Variants in CSMD1 observed in about 807,000 individuals in gnomAD.
The protein encoded by CSMD1 is CUB and sushi domain-containing protein 1.
In CSMD1, 213 loss-of-function variants were observed where a neutral mutation model predicts 417.5. The observed-to-expected ratio is 0.51, with a 90% CI of 0.46 to 0.57. The LOEUF is 0.57. Ranked by LOEUF, CSMD1 falls within the 20% of genes least tolerant of loss-of-function variation. The probability of loss-of-function intolerance (pLI) is 0.00; values close to 1 mark genes in which losing one functional copy is unlikely to be tolerated. For missense variants in CSMD1, 6,923 were observed against 4,529.7 expected (o/e 1.53, Z -15.17); for synonymous variants, 2,862 against 1,736.8 (o/e 1.65, Z -16.11).
chr8:4,260,384 C>T lies in CSMD1; in HGVS notation c.415+159569G>A, dbSNP rs534165757. Among the ~76,000 whole-genome samples the T allele has an allele frequency of 1.1e-4, 17 of 152,178 alleles. No individual in the cohort carries two copies. In the East Asian group the frequency reaches 1.4e-3, roughly 12 times the overall value. On this transcript the variant is annotated intron_variant, in intron 3 of 69. Transcript: ENST00000635120. ...ATTTGTAGGAGTTATTTGTATACTT[C>T]GGGTTTTTGTTAACACTAAAAATTA...
Position 3,110,321 on chromosome 8 carries a change from T to A in CSMD1, c.6445A>T (p.Asn2149Tyr). The change falls in exon 43 of 70, where the codon AAC (asparagine) becomes TAC (tyrosine). Residue 2149 changes from asparagine (N) to tyrosine (Y), a missense_variant. Transcript: ENST00000635120. Reference protein sequence around the residue: ...FPRCDAPCGYNVTSQNGTIYS... With the variant: ...FPRCDAPCGYYVTSQNGTIYS... ...ATGGTGCCGTTCTGAGAAGTTACGTTGTACCCACAAGGGGCTGCAAAGGAA... is the reference window on the plus strand; with the variant it reads ...ATGGTGCCGTTCTGAGAAGTTACGTAGTACCCACAAGGGGCTGCAAAGGAA... 1 of 1,610,598 alleles carries A rather than the reference T, an allele frequency of 6.2e-7. No homozygotes were observed. Among genetic ancestry groups the A allele is most frequent in the South Asian group, 1.1e-5 (1 of 90,196 alleles).
intron 10 of CSMD1, among the ~76,000 whole-genome samples, chr8:3,504,973 A>G (rs1414410327): frequency 6.6e-6 from 1 of 151,834 alleles, no homozygotes; most frequent in Non-Finnish European, 1.5e-5. Flanking sequence ...TAACCAGTGC[A>G]CCAGGGAAAG....
At chr8:3,581,137 C>T (rs895370054) in intron 9 of CSMD1, among the ~76,000 whole-genome samples, 1 of 152,080 alleles carries the variant, frequency 6.6e-6, no homozygotes, top group Non-Finnish European at 1.5e-5. Context: ...CTACATAAAT[C>T]GCCCCTAAAG....
chr8:3,063,848 T>A (rs999742132), intron 49 of CSMD1, among the ~76,000 whole-genome samples: 2 of 152,208 alleles, frequency 1.3e-5, no homozygotes, highest in Non-Finnish European at 2.9e-5. Context: ...TTGTTTAATA[T>A]GTGCAGAGTT....
chr8:4,086,866 T>C (rs1228440500), intron 3 of CSMD1, among the ~76,000 whole-genome samples: 3 of 152,202 alleles, frequency 2.0e-5, no homozygotes, highest in Admixed American at 6.5e-5. Context: ...TCTGGTAGCA[T>C]AAGAGAGTAA....
chr8:3,444,261 T>A (rs1815165769), intron 12 of CSMD1, among the ~76,000 whole-genome samples: 1 of 152,128 alleles, frequency 6.6e-6, no homozygotes, highest in African/African-American at 2.4e-5. Context: ...TTACACAAGA[T>A]AAATTTGGAA....
At chr8:4,299,401 C>T (rs1260620831) in intron 3 of CSMD1, among the ~76,000 whole-genome samples, 2 of 152,170 alleles carry the variant, frequency 1.3e-5, no homozygotes, top group Admixed American at 6.5e-5. Context: ...GTCGTCTCAA[C>T]ATGAGAGAGG....
intron 23 of CSMD1, among the ~76,000 whole-genome samples, chr8:3,336,424 T>A (rs1004530516): frequency 1.3e-5 from 2 of 152,218 alleles, no homozygotes; most frequent in Non-Finnish European, 2.9e-5. Flanking sequence ...CTTAAATTCA[T>A]ATAGCACTTG....
At position 3,292,981 on chromosome 8, in the gene CSMD1, T is replaced by C. The variant is rs554562089; in HGVS notation, c.3951-8635A>G. On this transcript the variant is annotated intron_variant, in intron 25 of 69. Coordinates refer to ENST00000635120, the MANE Select transcript of CSMD1 (RefSeq NM_033225.6). ...GGCTGGTACCGGTTGTTCCTTTCCA[T>C]GTTTAGTGCTTCCTTCAGGAGGTCT... 4.6e-5 allele frequency among the ~76,000 whole-genome samples: 7 copies of C among 152,270 alleles called. No individual in the cohort carries two copies. The South Asian group carries it at 1.5e-3, about 32-fold the overall frequency.
At chr8:4,312,930 A>G (rs1585211200) in intron 3 of CSMD1, among the ~76,000 whole-genome samples, 1 of 152,190 alleles carries the variant, frequency 6.6e-6, no homozygotes, top group African/African-American at 2.4e-5. Context: ...ATTGGCATAA[A>G]TAATTTGGAA....
At chr8:3,270,157 C>T (rs986690286) in intron 26 of CSMD1, among the ~76,000 whole-genome samples, 1 of 149,602 alleles carries the variant, frequency 6.7e-6, no homozygotes, top group Non-Finnish European at 1.5e-5. Context: ...TCAAGCGATT[C>T]TCCTACCTCA....
intron 5 of CSMD1, among the ~76,000 whole-genome samples, chr8:3,961,894 T>A (rs1812352761): frequency 6.6e-6 from 1 of 152,242 alleles, no homozygotes; most frequent in South Asian, 2.1e-4. Flanking sequence ...GCCTTACGAC[T>A]TCTTGAGTCA....
At chr8:3,738,649 G>T (rs1159423045) in intron 6 of CSMD1, among the ~76,000 whole-genome samples, 1 of 152,174 alleles carries the variant, frequency 6.6e-6, no homozygotes, top group Non-Finnish European at 1.5e-5. Context: ...ACATGCCTTA[G>T]ACAGGGCTTA....
At chr8:4,473,799 A>G (rs1182666696) in intron 2 of CSMD1, among the ~76,000 whole-genome samples, 1 of 152,240 alleles carries the variant, frequency 6.6e-6, no homozygotes, top group Non-Finnish European at 1.5e-5. Context: ...ATCTTATAAA[A>G]TGACAGAAAA....
intron 2 of CSMD1, among the ~76,000 whole-genome samples, chr8:4,431,581 C>A (rs1166273236): frequency 1.3e-5 from 2 of 152,116 alleles, no homozygotes; most frequent in East Asian, 3.9e-4. Flanking sequence ...AAACTTTGCT[C>A]TGAGGCTACC....
intron 3 of CSMD1, among the ~76,000 whole-genome samples, chr8:4,139,919 A>G (rs1013089578): frequency 3.3e-5 from 5 of 150,864 alleles, no homozygotes; most frequent in Admixed American, 3.3e-4. Context: ...TCATCTTCAG[A>G]GGATGGATAA....
In CSMD1 at chr8:3,407,967, T is replaced by C. The variant is rs1289160845; in HGVS notation, c.2003A>G (p.His668Arg). ...EVPSQLASSG[H>R]IVRLEFQSDH... ...AGACTGAAATTCCAAGCGAACTATATGCCCACTGCTGGCCAGCTGGGAAGG... is the reference window on the plus strand; with the variant it reads ...AGACTGAAATTCCAAGCGAACTATACGCCCACTGCTGGCCAGCTGGGAAGG... Residue 668 changes from histidine (H) to arginine (R), a missense_variant, in exon 14 of 70, where the codon CAT (histidine) becomes CGT (arginine). Coordinates refer to ENST00000635120, the MANE Select transcript of CSMD1 (RefSeq NM_033225.6). 3.1e-6 allele frequency: 5 copies of C among 1,613,652 alleles called. No homozygotes were observed. Among genetic ancestry groups the C allele is most frequent in the African/African-American group, 2.7e-5 (2 of 74,912 alleles).
At chr8:3,640,592 C>G (rs1034420822) in intron 7 of CSMD1, among the ~76,000 whole-genome samples, 1 of 152,202 alleles carries the variant, frequency 6.6e-6, no homozygotes, top group East Asian at 1.9e-4. Flanking sequence ...CTCTGAACCA[C>G]TACAAAATCA....
intron 7 of CSMD1, among the ~76,000 whole-genome samples, chr8:3,680,877 G>C (rs1799619155): frequency 6.6e-6 from 1 of 152,154 alleles, no homozygotes; most frequent in Non-Finnish European, 1.5e-5. Context: ...TGCAAGGCTG[G>C]TTCAATATAC....
Sources: gnomAD v4.1 joint callset for allele counts (sites outside exome capture counted in the v4.1 genomes callset) on GRCh38, gnomAD v4.1.1 for gene constraint, MANE v1.5 for transcripts, NCBI Gene and HGNC (gene_info 2026-07-23, HGNC 2026-07-21) for gene names.